RETREG1: variants seen among roughly 807,000 people sequenced by gnomAD.
RETREG1 encodes family with sequence similarity 134 member B.
A neutral mutation model predicts 54.8 loss-of-function variants in RETREG1; 44 were observed. That is an observed-to-expected ratio of 0.80 (90% CI 0.63 to 1.03). The LOEUF (loss-of-function observed/expected upper bound fraction) is 1.03, where lower values mean the gene tolerates loss of function less well. Among genes scored for constraint, RETREG1 ranks in the 50% least tolerant of loss-of-function variants. The probability of loss-of-function intolerance (pLI) is 0.00; values close to 1 mark genes in which losing one functional copy is unlikely to be tolerated. For synonymous variants in RETREG1, 217 were observed against 238.5 expected (o/e 0.91, Z 0.83); for missense variants, 554 against 605.1 (o/e 0.92, Z 0.89).
intron 3 of RETREG1, among the ~76,000 whole-genome samples, chr5:16,486,796 A>T (rs189247826): frequency 6.6e-6 from 1 of 152,346 alleles, no homozygotes; most frequent in East Asian, 1.9e-4. Context: ...ACGTGCCATC[A>T]TGCAGGACCA....
At chr5:16,530,137 T>C (rs538859113) in intron 3 of RETREG1, among the ~76,000 whole-genome samples, 4 of 152,232 alleles carry the variant, frequency 2.6e-5, no homozygotes, top group Non-Finnish European at 5.9e-5. Context: ...TCGGGGAACC[T>C]AACCTGGCTA....
In RETREG1 at chr5:16,477,910, G is replaced by T. The variant is rs1217178001; in HGVS notation, c.874-122C>A. 2.8e-6 allele frequency: 4 copies of T among 1,411,142 alleles called. No individual in the cohort carries two copies. In the African/African-American group the frequency reaches 4.3e-5, roughly 15 times the overall value. 87.4% of individuals were successfully genotyped at this position (1,411,142 alleles called of 1,614,324 possible). On this transcript the variant is annotated intron_variant, in intron 7 of 8. Transcript: ENST00000306320. ...AAAACCAAATGGATATTTTTATTTT[G>T]AAATCATTCAGTCATCTTACAGAAA...
At chr5:16,542,996 C>T (rs1741291151) in intron 3 of RETREG1, among the ~76,000 whole-genome samples, 1 of 152,170 alleles carries the variant, frequency 6.6e-6, no homozygotes, top group Non-Finnish European at 1.5e-5. Context: ...TTCCCTGCAC[C>T]ATTCCTTCCC....
At chr5:16,577,000 T>C (rs1402768789) in intron 1 of RETREG1, among the ~76,000 whole-genome samples, 1 of 151,520 alleles carries the variant, frequency 6.6e-6, no homozygotes, top group Non-Finnish European at 1.5e-5. Context: ...GAATATCCCA[T>C]CAAGGTTCAT....
At chr5:16,564,717 C>T (rs1207285781) in intron 3 of RETREG1, among the ~76,000 whole-genome samples, 1 of 152,162 alleles carries the variant, frequency 6.6e-6, no homozygotes, top group Non-Finnish European at 1.5e-5. Context: ...CTTCTTATAT[C>T]CAATGTCACC....
intron 3 of RETREG1, among the ~76,000 whole-genome samples, chr5:16,492,229 TCA>T (rs879805653): frequency 4.6e-4 from 51 of 110,608 alleles, no homozygotes; most frequent in African/African-American, 6.8e-4. Context: ...TCTCTCTCTC[TCA>T]CACACACACA....
At chr5:16,608,192 C>T (rs1743247932) in intron 1 of RETREG1, among the ~76,000 whole-genome samples, 1 of 152,158 alleles carries the variant, frequency 6.6e-6, no homozygotes, top group Non-Finnish European at 1.5e-5. Flanking sequence ...CTCTCACTGT[C>T]TTTAAATAGC....
chr5:16,598,087 G>A (rs1233325383), intron 1 of RETREG1, among the ~76,000 whole-genome samples: 3 of 151,718 alleles, frequency 2.0e-5, no homozygotes, highest in East Asian at 3.9e-4. Context: ...CCGACCACAC[G>A]GAACTCTGTG....
At chr5:16,521,486 TC>T (rs1284216909) in intron 3 of RETREG1, among the ~76,000 whole-genome samples, 3 of 152,220 alleles carry the variant, frequency 2.0e-5, no homozygotes, top group Non-Finnish European at 4.4e-5. Flanking sequence ...AATCTTTGGT[TC>T]TGAGAAATTT....
At chr5:16,542,297 T>C (rs78670159) in intron 3 of RETREG1, among the ~76,000 whole-genome samples, 5,385 of 152,280 alleles carry the variant, frequency 0.035, 282 homozygotes, top group African/African-American at 0.12. Flanking sequence ...AAACAATACC[T>C]CACCTGACTT....
At chr5:16,518,044 T>C (rs1334695018) in intron 3 of RETREG1, among the ~76,000 whole-genome samples, 2 of 150,086 alleles carry the variant, frequency 1.3e-5, no homozygotes, top group East Asian at 3.9e-4. Flanking sequence ...ATCTCATTCA[T>C]GTGAAATATA....
chr5:16,588,122 T>C (rs1297751663), intron 1 of RETREG1, among the ~76,000 whole-genome samples: 3 of 152,174 alleles, frequency 2.0e-5, no homozygotes, highest in Non-Finnish European at 4.4e-5. Context: ...CTGTATTACT[T>C]TGCAAGAACA....
At chr5:16,611,634 T>C (rs1215269411) in intron 1 of RETREG1, among the ~76,000 whole-genome samples, 9 of 152,190 alleles carry the variant, frequency 5.9e-5, no homozygotes, top group Admixed American at 5.9e-4. Context: ...GCTTTATTCA[T>C]AATAGTCAAA....
chr5:16,536,655 C>T (rs1340279095), intron 3 of RETREG1, among the ~76,000 whole-genome samples: 3 of 152,136 alleles, frequency 2.0e-5, no homozygotes, highest in Admixed American at 2.0e-4. Context: ...ACAGGAAATA[C>T]TAACTCCACA....
intron 3 of RETREG1, among the ~76,000 whole-genome samples, chr5:16,508,305 G>T (rs1740041203): frequency 6.6e-6 from 1 of 152,158 alleles, no homozygotes; most frequent in Non-Finnish European, 1.5e-5. Context: ...TACATTATGT[G>T]CTGGGAAACA....
chr5:16,523,162 T>C (rs1340603959), intron 3 of RETREG1, among the ~76,000 whole-genome samples: 1 of 152,188 alleles, frequency 6.6e-6, no homozygotes, highest in Non-Finnish European at 1.5e-5. Flanking sequence ...TACATTACCA[T>C]GGCGCATTTG....
At chr5:16,573,742 G>GTTTT (rs34651832) in intron 1 of RETREG1, among the ~76,000 whole-genome samples, 2 of 126,468 alleles carry the variant, frequency 1.6e-5, no homozygotes, top group African/African-American at 2.9e-5. Flanking sequence ...TTTGTTTTTT[G>GTTTT]TTTTTTTTTT....
At position 16,474,697 on chromosome 5, in the gene RETREG1, T is replaced by TTTTTTTGGTG; in HGVS notation, c.*34_*43dup. The stretch of plus-strand genomic sequence containing the variant: ...TTTTTTTTTTTTTTCTTGTTTGAAA[T>TTTTTTTGGTG]TTTTTTGGTGTTTTTTGTGCTCTGT... On this transcript the variant is annotated 3_prime_UTR_variant, in exon 9 of 9. Coordinates refer to ENST00000306320, the MANE Select transcript of RETREG1 (RefSeq NM_001034850.3). 1 of 1,537,750 alleles carries TTTTTTTGGTG rather than the reference T, an allele frequency of 6.5e-7. No individual in the cohort carries two copies. The highest frequency in any genetic ancestry group is 8.7e-7 in the Non-Finnish European group (1 of 1,144,422).
Position 16,475,092 on chromosome 5 carries a change from G to A in RETREG1, c.1143C>T (p.Asp381=), listed in dbSNP as rs1738478450. The change falls in exon 9 of 9, where the codon GAC becomes GAT. Residue 381 remains aspartate (D), a synonymous_variant. Coordinates refer to ENST00000306320, the MANE Select transcript of RETREG1 (RefSeq NM_001034850.3). ...TCTCTTTGCTTGGTCTGTGACCACT[G>A]TCCAACTGTTCCTTCTTTCTCTTGA... ...TELKRKKEQL[D]SGHRPSKETQ... 1 of 1,613,914 alleles carries A rather than the reference G, an allele frequency of 6.2e-7. No homozygotes were observed. The highest frequency in any genetic ancestry group is 8.5e-7 in the Non-Finnish European group (1 of 1,179,918).
Sources: gnomAD v4.1 joint callset for allele counts (sites outside exome capture counted in the v4.1 genomes callset) on GRCh38, gnomAD v4.1.1 for gene constraint, MANE v1.5 for transcripts, NCBI Gene and HGNC (gene_info 2026-07-23, HGNC 2026-07-21) for gene names.